Variants in ASCL5 observed in about 807,000 individuals in gnomAD.
The protein encoded by ASCL5 is achaete-scute homolog 5.
For missense variants in ASCL5, 262 were observed against 268.9 expected (o/e 0.97, Z 0.18); for synonymous variants, 124 against 131.5 (o/e 0.94, Z 0.39).
At position 201,115,347 on chromosome 1, in the gene ASCL5, A is replaced by T; in HGVS notation, c.26T>A (p.Leu9Gln). 8.1e-7 allele frequency: 1 copy of T among 1,231,386 alleles called. No homozygotes were observed. Among genetic ancestry groups the T allele is most frequent in the Non-Finnish European group, 1.0e-6 (1 of 987,712 alleles). 76.3% of individuals were successfully genotyped at this position (1,231,386 alleles called of 1,614,324 possible). Reference protein sequence around the residue: MNNNFCRALVDRRPLGPPS... With the variant: MNNNFCRAQVDRRPLGPPS... ...GGGCCCCAGAGGCCTCCGGTCCACC[A>T]GAGCCCGGCAGAAGTTATTGTTCAT... Residue 9 changes from leucine to glutamine, a missense_variant, in exon 2 of 2, where the codon CTG becomes CAG. Coordinates refer to ENST00000449188, the MANE Select transcript of ASCL5 (RefSeq NM_001270601.2).
intron 1 of ASCL5, among the ~76,000 whole-genome samples, chr1:201,117,350 C>T (rs1186742987): frequency 3.3e-5 from 5 of 151,984 alleles, no homozygotes; most frequent in African/African-American, 4.8e-5. Flanking sequence ...ACAGAAGAAT[C>T]GCCTGAACCT....
chr1:201,117,551 T>C (rs1442949887), intron 1 of ASCL5, among the ~76,000 whole-genome samples: 1 of 152,142 alleles, frequency 6.6e-6, no homozygotes, highest in African/African-American at 2.4e-5. Context: ...CTAGAAAATG[T>C]CTCCCAAACA....
intron 1 of ASCL5, among the ~76,000 whole-genome samples, chr1:201,117,036 G>A (rs1663364649): frequency 6.6e-6 from 1 of 152,082 alleles, no homozygotes. Flanking sequence ...TGTCCTTTTT[G>A]CAGGCCCTGA....
At position 201,115,544 on chromosome 1, in the gene ASCL5, C is replaced by A. The variant is rs1190178616; in HGVS notation, c.-172G>T. Reference sequence around the variant, plus strand: ...AGGGTGGCTTCCAATGACTCCCTAACAAGAGCCATCGCCCTAGACAAGTGT... The same window carrying A: ...AGGGTGGCTTCCAATGACTCCCTAAAAAGAGCCATCGCCCTAGACAAGTGT... On this transcript the variant is annotated 5_prime_UTR_variant, in exon 2 of 2. Transcript: ENST00000449188. The A allele has an allele frequency of 9.4e-6, 4 of 424,996 alleles. No homozygotes were observed. The highest frequency in any genetic ancestry group is 7.9e-6 in the Non-Finnish European group (2 of 252,306). 26.3% of individuals were successfully genotyped at this position (424,996 alleles called of 1,614,324 possible).
chr1:201,120,183 A>C (rs1426753250), intron 1 of ASCL5, among the ~76,000 whole-genome samples: 1 of 152,124 alleles, frequency 6.6e-6, no homozygotes, highest in East Asian at 1.9e-4. Context: ...TCTGACTTGC[A>C]CCAGAGAGGG....
At chr1:201,123,237 T>G (rs983457494) in intron 1 of ASCL5, among the ~76,000 whole-genome samples, 3 of 152,222 alleles carry the variant, frequency 2.0e-5, no homozygotes, top group African/African-American at 7.2e-5. Context: ...TGAATTCAAA[T>G]AATTCTAATA....
At position 201,114,899 on chromosome 1, in the gene ASCL5, C is replaced by T; in HGVS notation, c.474G>A (p.Gly158=). 1 of 1,229,952 alleles carries T rather than the reference C, an allele frequency of 8.1e-7. No homozygotes were observed. The allele number at this position is 1,229,952 out of a possible 1,614,324, so 76.2% of individuals were successfully genotyped here. Reference sequence around the variant, plus strand: ...GGGTGGCGGGCGGCGCGGGGCAGGGCCCGGTGCCCGGGAGGCCGCGGGAAG... The same window carrying T: ...GGGTGGCGGGCGGCGCGGGGCAGGGTCCGGTGCCCGGGAGGCCGCGGGAAG... ...PPASRGLPGT[G]PCPAPPATPR... The change falls in exon 2 of 2, where the codon GGG becomes GGA. Residue 158 remains glycine (G), a synonymous_variant. Transcript: ENST00000449188.
intron 1 of ASCL5, among the ~76,000 whole-genome samples, chr1:201,117,489 C>G (rs1034605903): frequency 6.6e-6 from 1 of 152,072 alleles, no homozygotes; most frequent in Non-Finnish European, 1.5e-5. Context: ...TCACATATCC[C>G]TCCCCTTCTC....
intron 1 of ASCL5, among the ~76,000 whole-genome samples, chr1:201,117,144 A>C (rs567257446): frequency 3.9e-5 from 6 of 152,350 alleles, no homozygotes; most frequent in African/African-American, 1.4e-4. Context: ...TGCTCTCAAA[A>C]GTGAAACCAG....
At chr1:201,120,464 A>T (rs1199738870) in intron 1 of ASCL5, among the ~76,000 whole-genome samples, 1 of 152,132 alleles carries the variant, frequency 6.6e-6, no homozygotes, top group East Asian at 1.9e-4. Context: ...TATACTCTGC[A>T]TGGGCAACAG....
At chr1:201,126,298 A>AT (rs1394865533) in intron 1 of ASCL5, among the ~76,000 whole-genome samples, 1 of 151,924 alleles carries the variant, frequency 6.6e-6, no homozygotes, top group Non-Finnish European at 1.5e-5. Context: ...GTTGTTAAAA[A>AT]TTTTTTTGTA....
intron 1 of ASCL5, among the ~76,000 whole-genome samples, chr1:201,123,772 C>A (rs1384018073): frequency 6.6e-6 from 1 of 152,246 alleles, no homozygotes; most frequent in Non-Finnish European, 1.5e-5. Flanking sequence ...AGGAGCCCGA[C>A]ACCTGGACTC....
intron 1 of ASCL5, among the ~76,000 whole-genome samples, chr1:201,119,635 A>G (rs1663410936): frequency 6.6e-6 from 1 of 152,214 alleles, no homozygotes; most frequent in Non-Finnish European, 1.5e-5. Flanking sequence ...AGCAATTCGT[A>G]TCACTTAAAC....
Position 201,114,035 on chromosome 1 carries a change from CTTACA to C in ASCL5, c.*712_*716del, listed in dbSNP as rs1226321988. Reference sequence around the variant, plus strand: ...ATATGCACGCCCCCCTCCCCCAAGGCTTACAGTCTGAGGGAAAAAAACCACAGTCC... The same window carrying C: ...ATATGCACGCCCCCCTCCCCCAAGGCGTCTGAGGGAAAAAAACCACAGTCC... On this transcript the variant is annotated 3_prime_UTR_variant, in exon 2 of 2. Transcript: ENST00000449188. 6.6e-6 allele frequency: 1 copy of C among 152,148 alleles called. No homozygotes were observed. The highest frequency in any genetic ancestry group is 1.5e-5 in the Non-Finnish European group (1 of 68,038). 9.4% of individuals were successfully genotyped at this position (152,148 alleles called of 1,614,324 possible).
At position 201,123,556 on chromosome 1, in the gene ASCL5, T is replaced by C. The variant is rs151153859; in HGVS notation, c.-506+3528A>G. 2.0e-5 allele frequency among the ~76,000 whole-genome samples: 3 copies of C among 152,274 alleles called. No homozygotes were observed. The East Asian group carries it at 5.8e-4, about 29-fold the overall frequency. On this transcript the variant is annotated intron_variant, in intron 1 of 1. Transcript: ENST00000449188. Reference sequence around the variant, plus strand: ...ACAAGGCAAAGAGTGGTTAAGCAAATTGCCGCAGGTCACACAGCTGATAAA... The same window carrying C: ...ACAAGGCAAAGAGTGGTTAAGCAAACTGCCGCAGGTCACACAGCTGATAAA...
intron 1 of ASCL5, among the ~76,000 whole-genome samples, chr1:201,122,479 C>T (rs547405679): frequency 1.3e-5 from 2 of 152,276 alleles, no homozygotes; most frequent in East Asian, 3.9e-4. Context: ...ATGCTATCCT[C>T]ACACCTGAGA....
intron 1 of ASCL5, among the ~76,000 whole-genome samples, chr1:201,126,106 C>A (rs1215464428): frequency 6.6e-6 from 1 of 151,866 alleles, no homozygotes; most frequent in Non-Finnish European, 1.5e-5. Flanking sequence ...TTTATTTAAT[C>A]TCTTCAAGTT....
rs1467250810 is a variant in ASCL5 at position 201,119,386 on chromosome 1, T to G, written c.-505-3509A>C. Among the ~76,000 whole-genome samples, 5 of 152,208 alleles carry G rather than the reference T, an allele frequency of 3.3e-5. No homozygotes were observed. The East Asian group carries it at 9.6e-4, about 29-fold the overall frequency. ...TACTCATCGGCTAAGTTCATGGGAC[T>G]GGGCAGAACCAGCTATCAATAGCGC... On this transcript the variant is annotated intron_variant, in intron 1 of 1. Coordinates refer to ENST00000449188, the MANE Select transcript of ASCL5 (RefSeq NM_001270601.2).
chr1:201,117,719 T>C (rs537744122), intron 1 of ASCL5, among the ~76,000 whole-genome samples: 23 of 152,324 alleles, frequency 1.5e-4, no homozygotes, highest in African/African-American at 5.1e-4. Context: ...CCATCCTGAC[T>C]GCCTGAGCGC....
Sources: gnomAD v4.1 joint callset for allele counts (sites outside exome capture counted in the v4.1 genomes callset) on GRCh38, gnomAD v4.1.1 for gene constraint, MANE v1.5 for transcripts, NCBI Gene and HGNC (gene_info 2026-07-23, HGNC 2026-07-21) for gene names.